The following AHCYL2 variants were observed in gnomAD, a reference collection of about 807,000 sequenced individuals.
AHCYL2 encodes the protein adenosylhomocysteinase like 2.
In AHCYL2, 28 loss-of-function variants were observed where a neutral mutation model predicts 81.4. That is an observed-to-expected ratio of 0.34 (90% CI 0.25 to 0.47). AHCYL2 has a LOEUF of 0.47. AHCYL2 is among the 20% of genes least tolerant of loss of function. The pLI is 1.00. For synonymous variants in AHCYL2, 272 were observed against 290.2 expected, an observed-to-expected ratio of 0.94 and a Z score of 0.64; for missense variants, 551 against 785.1, an observed-to-expected ratio of 0.70 and a Z score of 3.56.
intron 1 of AHCYL2, among the ~76,000 whole-genome samples, chr7:129,253,222 G>A (rs1795301392): frequency 6.6e-6 from 1 of 152,004 alleles, no homozygotes; most frequent in Middle Eastern, 3.4e-3. Flanking sequence ...AAAAAAGAAG[G>A]CAAAGGTGAT....
chr7:129,343,109 T>C (rs1037671283), intron 1 of AHCYL2, among the ~76,000 whole-genome samples: 1 of 152,178 alleles, frequency 6.6e-6, no homozygotes, highest in African/African-American at 2.4e-5. Context: ...TTGCTTAAAA[T>C]AGCAAAACAT....
chr7:129,262,427 G>C (rs1007110700), intron 1 of AHCYL2, among the ~76,000 whole-genome samples: 1 of 152,168 alleles, frequency 6.6e-6, no homozygotes, highest in Admixed American at 6.5e-5. Flanking sequence ...ATGATCCAAG[G>C]GTGGAGTTTT....
At chr7:129,323,143 T>A (rs1167973322) in intron 1 of AHCYL2, among the ~76,000 whole-genome samples, 3 of 152,146 alleles carry the variant, frequency 2.0e-5, no homozygotes, top group African/African-American at 7.2e-5. Context: ...TTGTTGATTC[T>A]TTTTCTAGTT....
chr7:129,244,138 A>G (rs1794965489), intron 1 of AHCYL2, among the ~76,000 whole-genome samples: 2 of 150,854 alleles, frequency 1.3e-5, no homozygotes, highest in South Asian at 2.1e-4. Context: ...AGCTGGGACT[A>G]CAGGTGTATG....
intron 1 of AHCYL2, chr7:129,351,697 C>T (rs1226169952): frequency 6.6e-6 from 1 of 152,172 alleles, no homozygotes; most frequent in East Asian, 1.9e-4. Context: ...CTCCACAAAG[C>T]TTTTGTTAAT....
rs1797508935 is a variant in AHCYL2 at position 129,429,828 on chromosome 7, C to G, written c.*2783C>G. ...CACATACTCCTGCAAAGCTTTTATG[C>G]TGCTTCGCTTTTCTCTAAACAGATC... On this transcript the variant is annotated 3_prime_UTR_variant, in exon 17 of 17. Transcript: ENST00000325006. 1 of 152,628 alleles carries G rather than the reference C, an allele frequency of 6.6e-6. No homozygotes were observed. Among genetic ancestry groups the G allele is most frequent in the African/African-American group, 2.4e-5 (1 of 41,452 alleles). The allele number at this position is 152,628 out of a possible 1,614,324, so 9.5% of individuals were successfully genotyped here. A position where few individuals can be genotyped will look rare whatever the true frequency, so the allele number is the denominator to read the frequency against.
At chr7:129,298,031 T>TA (rs1390921529) in intron 1 of AHCYL2, among the ~76,000 whole-genome samples, 1 of 152,128 alleles carries the variant, frequency 6.6e-6, no homozygotes, top group Non-Finnish European at 1.5e-5. Flanking sequence ...TGTCTCCAAA[T>TA]AAACAAATCA....
At chr7:129,391,400 G>A (rs560365143) in intron 4 of AHCYL2, among the ~76,000 whole-genome samples, 1 of 152,270 alleles carries the variant, frequency 6.6e-6, no homozygotes, top group East Asian at 1.9e-4. Context: ...TTTCACCCAT[G>A]GGAACTTTTA....
chr7:129,291,815 C>G (rs1291273068), intron 1 of AHCYL2, among the ~76,000 whole-genome samples: 1 of 151,842 alleles, frequency 6.6e-6, no homozygotes, highest in Non-Finnish European at 1.5e-5. Context: ...CCGTGTTAGC[C>G]AGGATGGTCT....
chr7:129,250,353 G>C (rs2150702115), intron 1 of AHCYL2, among the ~76,000 whole-genome samples: 1 of 152,322 alleles, frequency 6.6e-6, no homozygotes, highest in African/African-American at 2.4e-5. Flanking sequence ...ATATACCTAA[G>C]AGTGGAATTG....
chr7:129,286,267 G>A (rs1796625901), intron 1 of AHCYL2, among the ~76,000 whole-genome samples: 1 of 151,728 alleles, frequency 6.6e-6, no homozygotes, highest in African/African-American at 2.4e-5. Context: ...ATTTTTTTGT[G>A]TGAGATGGAG....
chr7:129,366,832 A>C (rs1041667104), intron 1 of AHCYL2, among the ~76,000 whole-genome samples: 12 of 152,012 alleles, frequency 7.9e-5, no homozygotes, highest in Non-Finnish European at 1.6e-4. Flanking sequence ...GAGGATGTGC[A>C]CTCATGACAC....
chr7:129,367,843 C>A (rs945362612), intron 1 of AHCYL2, among the ~76,000 whole-genome samples: 2 of 152,214 alleles, frequency 1.3e-5, no homozygotes, highest in Non-Finnish European at 2.9e-5. Context: ...TAGGCTCCAT[C>A]CGAACCTCCC....
intron 1 of AHCYL2, among the ~76,000 whole-genome samples, chr7:129,323,124 G>C (rs962923426): frequency 6.6e-6 from 1 of 151,942 alleles, no homozygotes; most frequent in African/African-American, 2.4e-5. Context: ...TCTTCTGTTT[G>C]CTTATGGTTT....
At chr7:129,359,294 C>T (rs1035914181) in intron 1 of AHCYL2, among the ~76,000 whole-genome samples, 1 of 152,230 alleles carries the variant, frequency 6.6e-6, no homozygotes, top group Non-Finnish European at 1.5e-5. Flanking sequence ...ATAGGCAGAA[C>T]TGATCAGTGG....
Position 129,400,277 on chromosome 7 carries a change from C to T in AHCYL2, c.824-13C>T, listed in dbSNP as rs191105300. On this transcript the variant is annotated splice_polypyrimidine_tract_variant and intron_variant, in intron 5 of 16. Coordinates refer to ENST00000325006, the MANE Select transcript of AHCYL2 (RefSeq NM_015328.4). ...GGTCTTTAATGGTTTCCCTTTGTTC[C>T]TTTTTTTCCCAGGATTTCCTGTTTT... The T allele has an allele frequency of 1.9e-6, 3 of 1,611,644 alleles. No homozygotes were observed. In the African/African-American group the frequency reaches 4.0e-5, roughly 22 times the overall value.
intron 12 of AHCYL2, among the ~76,000 whole-genome samples, chr7:129,422,585 A>G (rs146292781): frequency 9.9e-5 from 15 of 152,274 alleles, no homozygotes; most frequent in African/African-American, 3.6e-4. Flanking sequence ...TGTATTTCCC[A>G]TAGCACCTTT....
rs553714478 is a variant in AHCYL2 at position 129,241,450 on chromosome 7, G to A, written c.363+16011G>A. 3.9e-5 allele frequency among the ~76,000 whole-genome samples: 6 copies of A among 152,188 alleles called. No individual in the cohort carries two copies. In the South Asian group the frequency reaches 1.2e-3, roughly 32 times the overall value. On this transcript the variant is annotated intron_variant, in intron 1 of 16. Coordinates refer to ENST00000325006, the MANE Select transcript of AHCYL2 (RefSeq NM_015328.4). The stretch of plus-strand genomic sequence containing the variant: ...TACTAAAAATATAAAAATTAGCCAG[G>A]TGTGGTGGTGTGCACCTGTAGTTCC...
chr7:129,263,700 T>A (rs1453715730), intron 1 of AHCYL2, among the ~76,000 whole-genome samples: 1 of 152,212 alleles, frequency 6.6e-6, no homozygotes, highest in Non-Finnish European at 1.5e-5. Context: ...AGTGTCATGA[T>A]CAGATGTGCA....
Sources: allele counts gnomAD v4.1 joint callset (sites outside exome capture counted in the v4.1 genomes callset), GRCh38; gene constraint gnomAD v4.1.1; transcripts MANE v1.5; gene names NCBI Gene and HGNC (gene_info 2026-07-23, HGNC 2026-07-21).